Variants in AGBL1 observed in about 807,000 individuals in gnomAD.
AGBL1 encodes the protein cytosolic carboxypeptidase 4.
In AGBL1, 130 loss-of-function variants were observed where a neutral mutation model predicts 118.9. The observed-to-expected ratio is 1.09, with a 90% CI of 0.95 to 1.26. The LOEUF is 1.26. Ranked by LOEUF, AGBL1 falls within the 50% of genes most tolerant of loss-of-function variation. The pLI is 0.00. For synonymous variants in AGBL1, 555 were observed against 478.9 expected (o/e 1.16, Z -2.08); for missense variants, 1,584 against 1,298.1 (o/e 1.22, Z -3.38).
chr15:86,159,056 C>T, intron 5 of AGBL1, 30 bp downstream of exon 5: 1 of 1,592,338 alleles, frequency 6.3e-7, no homozygotes, highest in Non-Finnish European at 8.6e-7. Context: ...ACTTCTGCCC[C>T]TTTTGTAACA....
chr15:86,969,523 G>A (rs1177733151), intron 23 of AGBL1, among the ~76,000 whole-genome samples: 1 of 151,850 alleles, frequency 6.6e-6, no homozygotes, highest in African/African-American at 2.4e-5. Flanking sequence ...ATGCACATAC[G>A]CATAGGCAAG....
At chr15:86,825,865 A>G (rs1015619307) in intron 22 of AGBL1, among the ~76,000 whole-genome samples, 8 of 150,862 alleles carry the variant, frequency 5.3e-5, no homozygotes, top group African/African-American at 2.0e-4. Flanking sequence ...CCTGGTAGAA[A>G]TGTGACAGAT....
chr15:87,024,674 C>A (rs1228438458), intron 24 of AGBL1, among the ~76,000 whole-genome samples: 1 of 151,438 alleles, frequency 6.6e-6, no homozygotes, highest in Non-Finnish European at 1.5e-5. Flanking sequence ...AAACCAGGAT[C>A]TAGCCCAAAA....
chr15:86,203,002 T>A (rs1189210920), intron 5 of AGBL1, among the ~76,000 whole-genome samples: 1 of 152,140 alleles, frequency 6.6e-6, no homozygotes, highest in Non-Finnish European at 1.5e-5. Flanking sequence ...GAGGATTGCA[T>A]GAGCCCAGGA....
At chr15:86,147,457 T>TGAATGTGCAGA (rs2077048074) in intron 3 of AGBL1, among the ~76,000 whole-genome samples, 1 of 152,206 alleles carries the variant, frequency 6.6e-6, no homozygotes, top group Non-Finnish European at 1.5e-5. Flanking sequence ...AATGTAATTC[T>TGAATGTGCAGA]CTCCTGTGCC....
Position 86,785,375 on chromosome 15 carries a change from T to TTG in AGBL1, c.3158+110940_3158+110941insGT, listed in dbSNP as rs1362762047. 3.5e-5 allele frequency among the ~76,000 whole-genome samples: 5 copies of TTG among 142,122 alleles called. No individual in the cohort carries two copies. In the East Asian group the frequency reaches 8.4e-4, roughly 24 times the overall value. The allele number at this position is 142,122 out of a possible 152,430, so 93.2% of individuals were successfully genotyped here. On this transcript the variant is annotated intron_variant, in intron 22 of 22. Transcript: ENST00000614907. ...TCTGCGGGTTCTTTTTTTTTTTTTT[T>TTG]TTTGTTTTTGTTTTTTTGAGATGGA...
At chr15:86,592,697 G>A (rs1382175423) in intron 21 of AGBL1, among the ~76,000 whole-genome samples, 1 of 152,200 alleles carries the variant, frequency 6.6e-6, no homozygotes, top group East Asian at 1.9e-4. Context: ...TAGTAGACAT[G>A]CTTGAGCCCA....
At chr15:86,426,785 G>A (rs2081872512) in intron 18 of AGBL1, among the ~76,000 whole-genome samples, 1 of 152,182 alleles carries the variant, frequency 6.6e-6, no homozygotes, top group African/African-American at 2.4e-5. Flanking sequence ...TATTTATTAA[G>A]AGATGGAGTC....
chr15:86,107,429 A>G (rs929261835), intron 1 of AGBL1: 4 of 152,232 alleles, frequency 2.6e-5, no homozygotes, highest in African/African-American at 4.8e-5. Context: ...CCTCATCTAT[A>G]AAATGAGGAA....
intron 20 of AGBL1, among the ~76,000 whole-genome samples, chr15:86,550,313 A>T (rs1026462541): frequency 2.0e-5 from 3 of 152,154 alleles, no homozygotes; most frequent in African/African-American, 7.2e-5. Context: ...GAACGAACAA[A>T]CCCTCATTCC....
At chr15:86,896,718 T>G (rs1248941268) in intron 22 of AGBL1, among the ~76,000 whole-genome samples, 1 of 152,156 alleles carries the variant, frequency 6.6e-6, no homozygotes, top group Non-Finnish European at 1.5e-5. Context: ...CATGCATATG[T>G]TCTTATTTTT....
intron 15 of AGBL1, among the ~76,000 whole-genome samples, chr15:86,279,256 G>A (rs1328716812): frequency 6.6e-6 from 1 of 152,170 alleles, no homozygotes; most frequent in Non-Finnish European, 1.5e-5. Context: ...GGGATTGGGG[G>A]AACCCAAATT....
At chr15:86,663,817 T>A in intron 21 of AGBL1, among the ~76,000 whole-genome samples, 1 of 152,280 alleles carries the variant, frequency 6.6e-6, no homozygotes, top group Admixed American at 6.5e-5. Flanking sequence ...TACTGCTACT[T>A]AATTACATAA....
intron 22 of AGBL1, among the ~76,000 whole-genome samples, chr15:86,696,423 T>C (rs1450263636): frequency 6.6e-6 from 1 of 151,924 alleles, no homozygotes; most frequent in African/African-American, 2.4e-5. Flanking sequence ...TTGGTGTCCT[T>C]TTGCATGGAA....
At chr15:86,879,600 A>G (rs2079861945) in intron 22 of AGBL1, among the ~76,000 whole-genome samples, 1 of 152,200 alleles carries the variant, frequency 6.6e-6, no homozygotes, top group South Asian at 2.1e-4. Context: ...ACAGATTGTA[A>G]TTACCGAAGG....
chr15:86,369,973 C>T (rs762352200), intron 17 of AGBL1, among the ~76,000 whole-genome samples: 7 of 152,046 alleles, frequency 4.6e-5, no homozygotes, highest in South Asian at 2.1e-4. Flanking sequence ...AACCATATTC[C>T]GGGTCACAGA....
intron 3 of AGBL1, among the ~76,000 whole-genome samples, chr15:86,145,471 G>C (rs745987205): frequency 6.6e-6 from 1 of 152,150 alleles, no homozygotes; most frequent in South Asian, 2.1e-4. Flanking sequence ...CTAATTGTGT[G>C]CTGAGTCTTA....
chr15:86,992,016 G>A (rs947025838), intron 24 of AGBL1, among the ~76,000 whole-genome samples: 1 of 152,182 alleles, frequency 6.6e-6, no homozygotes, highest in African/African-American at 2.4e-5. Context: ...AGGAAAAGAG[G>A]TTTAATTGGC....
chr15:86,714,195 A>G (rs2086603483), intron 22 of AGBL1, among the ~76,000 whole-genome samples: 1 of 152,206 alleles, frequency 6.6e-6, no homozygotes, highest in Non-Finnish European at 1.5e-5. Flanking sequence ...TAAGGGGCCC[A>G]AGAAATACAA....
Sources: allele counts gnomAD v4.1 joint callset (sites outside exome capture counted in the v4.1 genomes callset), GRCh38; gene constraint gnomAD v4.1.1; transcripts MANE v1.5; gene names NCBI Gene and HGNC (gene_info 2026-07-23, HGNC 2026-07-21).